The following GLUD1 variants were observed in gnomAD, a reference collection of about 807,000 sequenced individuals.
The protein encoded by GLUD1 is glutamate dehydrogenase 1, also known as glutamate dehydrogenase 1, mitochondrial.
A neutral mutation model predicts 56.0 loss-of-function variants in GLUD1; 22 were observed. The observed-to-expected ratio is 0.39, with a 90% confidence interval of 0.28 to 0.56. The LOEUF (loss-of-function observed/expected upper bound fraction) is 0.56. Among genes scored for constraint, GLUD1 ranks in the 20% least tolerant of loss-of-function variants. GLUD1 has a pLI of 0.58. For missense variants in GLUD1, 451 were observed against 732.0 expected (o/e 0.62, Z 4.43); for synonymous variants, 223 against 269.9 (o/e 0.83, Z 1.70).
intron 3 of GLUD1, among the ~76,000 whole-genome samples, chr10:87,075,722 G>A (rs184567728): frequency 1.2e-3 from 186 of 152,280 alleles, no homozygotes; most frequent in African/African-American, 4.3e-3. Flanking sequence ...AGGAGTTCAA[G>A]AACAGCCTGG....
rs758719978 is a variant in GLUD1 at position 87,068,029 on chromosome 10, T to C, written c.741+34A>G. The C allele has an allele frequency of 1.1e-5, 14 of 1,228,350 alleles. No homozygotes were observed. In the East Asian group the frequency reaches 2.8e-4, roughly 24 times the overall value. The allele number at this position is 1,228,350 out of a possible 1,614,324, so 76.1% of individuals were successfully genotyped here. ...ACTGTTAATTCTTGTAGACAGCAAA[T>C]GCAGAAGCCTCGGGGCTTCCAGTGG... On this transcript the variant is annotated intron_variant, in intron 5 of 12. Coordinates refer to ENST00000277865, the MANE Select transcript of GLUD1 (RefSeq NM_005271.5).
chr10:87,081,120 G>A (rs1164181034), intron 1 of GLUD1, among the ~76,000 whole-genome samples: 1 of 143,738 alleles, frequency 7.0e-6, no homozygotes, highest in African/African-American at 2.6e-5. Flanking sequence ...GTGAGGGGGC[G>A]CCTCTGCCCG....
At chr10:87,093,780 G>T (rs1199459180) in intron 1 of GLUD1, among the ~76,000 whole-genome samples, 1 of 152,192 alleles carries the variant, frequency 6.6e-6, no homozygotes, top group Non-Finnish European at 1.5e-5. Context: ...ATTAACGCGT[G>T]ATTAGTAAAT....
Position 87,094,563 on chromosome 10 carries a change from C to T in GLUD1, c.207G>A (p.Met69Ile). ...DREDDPNFFKMVEGFFDRGAS... is the reference protein window; with the variant it reads ...DREDDPNFFKIVEGFFDRGAS... The stretch of plus-strand genomic sequence containing the variant: ...CGCCGCGATCGAAGAAGCCCTCCAC[C>T]ATCTTGAAGAAGTTGGGGTCGTCCT... Residue 69 changes from methionine (M) to isoleucine (I), a missense_variant, in exon 1 of 13, where the codon ATG (methionine) becomes ATA (isoleucine). By Grantham distance (10) the Met-to-Ile change is conservative. Around this residue, in one of 4 missense-constraint regions of GLUD1, gnomAD observed 158 missense variants for 189.7 expected, o/e 0.83. Coordinates refer to ENST00000277865, the MANE Select transcript of GLUD1 (RefSeq NM_005271.5). The surrounding 1 kb of genome is among the most constrained non-coding windows in gnomAD (Gnocchi z 6.6). 1 of 1,612,092 alleles carries T rather than the reference C, an allele frequency of 6.2e-7. No individual in the cohort carries two copies. The highest frequency in any genetic ancestry group is 8.5e-7 in the Non-Finnish European group (1 of 1,179,894).
chr10:87,084,982 A>T (rs1841346372), intron 1 of GLUD1, among the ~76,000 whole-genome samples: 1 of 152,230 alleles, frequency 6.6e-6, no homozygotes, highest in African/African-American at 2.4e-5. Context: ...CACCTGAAAT[A>T]CTACGTCTCA....
Position 87,051,981 on chromosome 10 carries a change from G to A in GLUD1, c.1558-111C>T, listed in dbSNP as rs1451728556. 20 of 1,295,792 alleles carry A rather than the reference G, an allele frequency of 1.5e-5. No individual in the cohort carries two copies. The Admixed American group carries it at 3.4e-4, about 22-fold the overall frequency. 80.3% of individuals were successfully genotyped at this position (1,295,792 alleles called of 1,614,324 possible). On this transcript the variant is annotated intron_variant, in intron 12 of 12. Coordinates refer to ENST00000277865, the MANE Select transcript of GLUD1 (RefSeq NM_005271.5). Reference sequence around the variant, plus strand: ...CAAGTTACCCTCTCATTGTTTCAAGGCAGGACTTGGGCAGCCAAAGACAAA... The same window carrying A: ...CAAGTTACCCTCTCATTGTTTCAAGACAGGACTTGGGCAGCCAAAGACAAA...
intron 1 of GLUD1, among the ~76,000 whole-genome samples, chr10:87,083,192 AAC>A (rs996330096): frequency 6.6e-6 from 1 of 151,524 alleles, no homozygotes; most frequent in Admixed American, 6.6e-5. Context: ...CAGCCTGGGC[AAC>A]AGTTTGAGAC....
rs766896575 is a variant in GLUD1 at position 87,060,785 on chromosome 10, T to G, written c.1100A>C (p.Tyr367Ser). The G allele has an allele frequency of 6.2e-7, 1 of 1,614,242 alleles. No homozygotes were observed. The highest frequency in any genetic ancestry group is 1.1e-5 in the South Asian group (1 of 91,088). Residue 367 changes from tyrosine to serine, a missense_variant, in exon 8 of 13, where the codon TAT (tyrosine) becomes TCT (serine). Physicochemically the swap from Tyr to Ser is moderately radical, Grantham distance 144. Around this residue, in one of 4 missense-constraint regions of GLUD1, gnomAD observed 248 missense variants for 460.0 expected, o/e 0.54. Transcript: ENST00000277865. ...GTCGGCCTCCAAGATGCTTCCTTCATAGGGCTTTGCCTTGGGGAAGCCCAG... is the reference window on the plus strand; with the variant it reads ...GTCGGCCTCCAAGATGCTTCCTTCAGAGGGCTTTGCCTTGGGGAAGCCCAG... ...SILGFPKAKP[Y>S]EGSILEADCD... is the part of the protein sequence containing the mutation.
chr10:87,074,486 T>G, intron 4 of GLUD1, 65 bp downstream of exon 4: 1 of 855,870 alleles, frequency 1.2e-6, no homozygotes, highest in Non-Finnish European at 2.0e-6. Flanking sequence ...AGACTCCGTC[T>G]CAAAAAAAAA....
At chr10:87,084,162 A>C (rs1813972551) in intron 1 of GLUD1, among the ~76,000 whole-genome samples, 2 of 152,226 alleles carry the variant, frequency 1.3e-5, no homozygotes, top group Non-Finnish European at 2.9e-5. Context: ...AAGCTGGAGG[A>C]AGGGCAGGGG....
intron 4 of GLUD1, among the ~76,000 whole-genome samples, chr10:87,069,332 T>A (rs1846159922): frequency 6.6e-6 from 1 of 151,824 alleles, no homozygotes; most frequent in Non-Finnish European, 1.5e-5. Flanking sequence ...CTGACCAACA[T>A]GGTGAAACCC....
At chr10:87,081,698 TG>T (rs1407932811) in intron 1 of GLUD1, among the ~76,000 whole-genome samples, 1 of 152,140 alleles carries the variant, frequency 6.6e-6, no homozygotes, top group Non-Finnish European at 1.5e-5. Context: ...CAGGGTTAAA[TG>T]GATTAAGGGC....
At position 87,075,077 on chromosome 10, in the gene GLUD1, G is replaced by C. The variant is rs544124670; in HGVS notation, c.583-463C>G. ...GTTAAGATATGTGTCACTAGAATCA[G>C]ATCCTGACATAAAAACTTCAGATCA... is the stretch of plus-strand genomic sequence containing the variant. On this transcript the variant is annotated intron_variant, in intron 3 of 12. Transcript: ENST00000277865. Among the ~76,000 whole-genome samples the C allele has an allele frequency of 7.4e-4, 113 of 152,288 alleles. 1 individual carries two copies. The highest frequency in any genetic ancestry group is 2.6e-3 in the African/African-American group (110 of 41,574).
intron 6 of GLUD1, among the ~76,000 whole-genome samples, 184 bp downstream of exon 6, chr10:87,062,472 A>G (rs917522388): frequency 6.6e-6 from 1 of 152,258 alleles, no homozygotes; most frequent in African/African-American, 2.4e-5. Context: ...TACTTAAATC[A>G]GTTCTAGTTA....
At chr10:87,053,193 G>C (rs935460968) in intron 12 of GLUD1, 149 bp downstream of exon 12, 1 of 686,950 alleles carries the variant, frequency 1.5e-6, no homozygotes, top group Non-Finnish European at 2.7e-6. Context: ...ATCTGAGACT[G>C]AAAAAACATG....
intron 12 of GLUD1, among the ~76,000 whole-genome samples, chr10:87,052,354 G>A (rs1020975852): frequency 6.6e-6 from 1 of 152,014 alleles, no homozygotes; most frequent in Admixed American, 6.6e-5. Flanking sequence ...CGGGTGTGGG[G>A]GTGGGCGCCT....
intron 3 of GLUD1, 119 bp downstream of exon 3, chr10:87,075,849 G>GGTT (rs1846372739): frequency 1.3e-6 from 1 of 752,672 alleles, no homozygotes; most frequent in African/African-American, 1.7e-5. Flanking sequence ...GGGAGGCGGA[G>GGTT]GTTGCAGTGA....
chr10:87,084,154 G>A (rs1456167333), intron 1 of GLUD1, among the ~76,000 whole-genome samples: 1 of 152,234 alleles, frequency 6.6e-6, no homozygotes, highest in Non-Finnish European at 1.5e-5. Flanking sequence ...TCTCAGTAAA[G>A]CTGGAGGAAG....
chr10:87,078,482 A>G (rs1846461995), intron 1 of GLUD1, among the ~76,000 whole-genome samples: 1 of 152,174 alleles, frequency 6.6e-6, no homozygotes, highest in African/African-American at 2.4e-5. Flanking sequence ...TGGCTTCCCT[A>G]CCTGGCAAGT....
Sources: gnomAD v4.1 joint callset for allele counts (sites outside exome capture counted in the v4.1 genomes callset) on GRCh38, gnomAD v4.1.1 for gene constraint, gnomAD v4.1.1 regional missense constraint, Gnocchi (gnomAD v3.1) non-coding constraint, MANE v1.5 for transcripts, NCBI Gene and HGNC (gene_info 2026-07-23, HGNC 2026-07-21) for gene names.